CARMIL1: variants seen among roughly 807,000 people sequenced by gnomAD.
CARMIL1 encodes the protein F-actin-uncapping protein LRRC16A.
Under a neutral mutation model 177.1 loss-of-function variants are expected in CARMIL1, and 90 were observed. The observed-to-expected ratio is 0.51, with a 90% CI of 0.43 to 0.61. The LOEUF is 0.61. Ranked by LOEUF, CARMIL1 falls within the 20% of genes least tolerant of loss-of-function variation. The pLI is 0.00. For synonymous variants in CARMIL1, 577 were observed against 606.2 expected, an observed-to-expected ratio of 0.95 and a Z score of 0.71; for missense variants, 1,380 against 1,667.0, an observed-to-expected ratio of 0.83 and a Z score of 3.00.
At chr6:25,488,786 TA>T (rs1802919019) in intron 13 of CARMIL1, among the ~76,000 whole-genome samples, 3 of 152,186 alleles carry the variant, frequency 2.0e-5, no homozygotes, top group African/African-American at 7.2e-5. Context: ...TCACCACAAT[TA>T]TTTTTTTTTC....
At chr6:25,582,426 G>A (rs1813213332) in intron 31 of CARMIL1, among the ~76,000 whole-genome samples, 1 of 152,124 alleles carries the variant, frequency 6.6e-6, no homozygotes, top group Admixed American at 6.5e-5. Context: ...AGTCTCTGTT[G>A]TTGACTGTAG....
chr6:25,521,200 G>C (rs1397468854), intron 23 of CARMIL1, among the ~76,000 whole-genome samples: 2 of 152,128 alleles, frequency 1.3e-5, no homozygotes, highest in Non-Finnish European at 2.9e-5. Context: ...GGAAGGGCAG[G>C]TTGGGTTTTA....
chr6:25,290,442 A>T (rs1449445038), intron 2 of CARMIL1, among the ~76,000 whole-genome samples: 1 of 142,638 alleles, frequency 7.0e-6, no homozygotes, highest in Non-Finnish European at 1.5e-5. Flanking sequence ...AAGAGCCCTG[A>T]TGACCTCTTG....
intron 2 of CARMIL1, among the ~76,000 whole-genome samples, chr6:25,353,378 G>C (rs559969377): frequency 6.6e-6 from 1 of 152,212 alleles, no homozygotes; most frequent in African/African-American, 2.4e-5. Context: ...TTAGAACCCA[G>C]GTCTATCAGA....
chr6:25,306,370 C>A (rs1277252498), intron 2 of CARMIL1, among the ~76,000 whole-genome samples: 1 of 152,114 alleles, frequency 6.6e-6, no homozygotes, highest in African/African-American at 2.4e-5. Context: ...GCATTAGATT[C>A]TCATAGTTAC....
intron 20 of CARMIL1, among the ~76,000 whole-genome samples, chr6:25,514,333 A>C (rs1204223742): frequency 6.6e-6 from 1 of 151,888 alleles, no homozygotes; most frequent in African/African-American, 2.4e-5. Context: ...GATCACTTGA[A>C]GTCAGGAGTT....
chr6:25,550,625 G>A (rs1326952371), intron 26 of CARMIL1, among the ~76,000 whole-genome samples: 1 of 152,120 alleles, frequency 6.6e-6, no homozygotes, highest in South Asian at 2.1e-4. Context: ...CTCGTTAATG[G>A]CTTTGTGTTA....
intron 2 of CARMIL1, among the ~76,000 whole-genome samples, chr6:25,301,335 CAG>C (rs1782843867): frequency 6.6e-6 from 1 of 150,974 alleles, no homozygotes; most frequent in Non-Finnish European, 1.5e-5. Flanking sequence ...AATTGGGTGA[CAG>C]AGCACAGGAT....
chr6:25,548,841 G>A (rs9467531), intron 26 of CARMIL1, among the ~76,000 whole-genome samples: 2,194 of 152,284 alleles, frequency 0.014, 34 homozygotes, highest in African/African-American at 0.041. Flanking sequence ...ACCAACTCCA[G>A]TGACCAGCTG....
chr6:25,407,249 A>T (rs1169402266), intron 2 of CARMIL1, among the ~76,000 whole-genome samples: 1 of 152,090 alleles, frequency 6.6e-6, no homozygotes, highest in Non-Finnish European at 1.5e-5. Flanking sequence ...GTTAGAGGGG[A>T]CCTGCAAGAG....
intron 25 of CARMIL1, 36 bp from the exon 26 acceptor site, chr6:25,539,911 C>G: frequency 2.1e-6 from 3 of 1,463,030 alleles, no homozygotes; most frequent in Non-Finnish European, 2.7e-6. Context: ...AATATTTACC[C>G]AATTCTAAAG....
chr6:25,615,900 A>G (rs1816849849), intron 36 of CARMIL1, among the ~76,000 whole-genome samples: 2 of 152,228 alleles, frequency 1.3e-5, no homozygotes, highest in Non-Finnish European at 2.9e-5. Context: ...CATATTTCAG[A>G]AGCTTTAAAA....
At chr6:25,339,245 G>A (rs1347638246) in intron 2 of CARMIL1, among the ~76,000 whole-genome samples, 1 of 152,182 alleles carries the variant, frequency 6.6e-6, no homozygotes, top group Non-Finnish European at 1.5e-5. Flanking sequence ...GAGTCCTCTT[G>A]CGAAGTCATT....
At chr6:25,524,939 A>G (rs1013234054) in intron 23 of CARMIL1, among the ~76,000 whole-genome samples, 2 of 152,170 alleles carry the variant, frequency 1.3e-5, no homozygotes, top group East Asian at 3.9e-4. Context: ...TGAATTGCAC[A>G]AAGAAAAAAA....
intron 12 of CARMIL1, among the ~76,000 whole-genome samples, chr6:25,484,251 G>A (rs939342476): frequency 2.6e-5 from 4 of 152,222 alleles, no homozygotes; most frequent in Non-Finnish European, 4.4e-5. Context: ...GTTCATTGCT[G>A]TGTCCTGGCA....
At chr6:25,420,997 T>C (rs1413576814) in intron 3 of CARMIL1, among the ~76,000 whole-genome samples, 2 of 152,212 alleles carry the variant, frequency 1.3e-5, no homozygotes, top group Non-Finnish European at 2.9e-5. Context: ...ATCCCCTTTA[T>C]TGATGAGAAA....
chr6:25,547,252 A>G (rs1256322403), intron 26 of CARMIL1, among the ~76,000 whole-genome samples: 1 of 152,280 alleles, frequency 6.6e-6, no homozygotes, highest in Non-Finnish European at 1.5e-5. Context: ...CCTCAAATTT[A>G]TCTGTTATTT....
chr6:25,506,597 T>C (rs753479032), intron 17 of CARMIL1, among the ~76,000 whole-genome samples: 8 of 152,136 alleles, frequency 5.3e-5, no homozygotes, highest in Non-Finnish European at 1.0e-4. Flanking sequence ...TACATCCTTC[T>C]TAGGTACTAG....
intron 2 of CARMIL1, among the ~76,000 whole-genome samples, chr6:25,376,462 A>T (rs985850337): frequency 7.2e-5 from 11 of 151,988 alleles, no homozygotes; most frequent in South Asian, 2.1e-4. Flanking sequence ...TGACTTAAAA[A>T]TTTTTTTTCT....
Sources: gnomAD v4.1 joint callset for allele counts (sites outside exome capture counted in the v4.1 genomes callset) on GRCh38, gnomAD v4.1.1 for gene constraint, MANE v1.5 for transcripts, NCBI Gene and HGNC (gene_info 2026-07-23, HGNC 2026-07-21) for gene names.